The following TLN2 variants were observed in gnomAD, a reference collection of about 807,000 sequenced individuals.
The protein encoded by TLN2 is talin-2.
A neutral mutation model predicts 294.7 loss-of-function variants in TLN2; 118 were observed. The ratio of observed to expected loss-of-function variants is 0.40; its 90% CI spans 0.34 to 0.47. The LOEUF (loss-of-function observed/expected upper bound fraction) is 0.47, where lower values mean the gene tolerates loss of function less well. Ranked by LOEUF, TLN2 falls within the 20% of genes least tolerant of loss-of-function variation. The pLI is 0.84. For synonymous variants in TLN2, 1,431 were observed against 1,304.5 expected, an observed-to-expected ratio of 1.10 and a Z score of -2.09; for missense variants, 3,083 against 3,282.2, an observed-to-expected ratio of 0.94 and a Z score of 1.48.
At chr15:62,491,512 A>G (rs941804151) in intron 1 of TLN2, among the ~76,000 whole-genome samples, 5 of 152,058 alleles carry the variant, frequency 3.3e-5, no homozygotes, top group African/African-American at 4.8e-5. Context: ...TGCATTTCTT[A>G]TTAGCCCTTC....
At chr15:62,836,526 C>T (rs114047115) in intron 57 of TLN2, among the ~76,000 whole-genome samples, 124 of 152,332 alleles carry the variant, frequency 8.1e-4, no homozygotes, top group African/African-American at 2.8e-3. Flanking sequence ...CTCTCTCATA[C>T]GTTACTAACT....
At chr15:62,500,793 T>C (rs565634319) in intron 1 of TLN2, among the ~76,000 whole-genome samples, 28 of 152,322 alleles carry the variant, frequency 1.8e-4, no homozygotes, top group African/African-American at 6.5e-4. Context: ...ATTGGGCAAC[T>C]TTTTCCTGCT....
At chr15:62,712,122 T>G in intron 22 of TLN2, 45 bp downstream of exon 22, 1 of 1,591,160 alleles carries the variant, frequency 6.3e-7, no homozygotes. Context: ...CACTATTAAG[T>G]GTTAGGATTT....
intron 40 of TLN2, among the ~76,000 whole-genome samples, chr15:62,765,678 T>C (rs2062954074): frequency 6.6e-6 from 1 of 152,206 alleles, no homozygotes; most frequent in Non-Finnish European, 1.5e-5. Flanking sequence ...TCTAGATATC[T>C]TTCTCTGTCT....
At chr15:62,467,367 C>T (rs574422693) in intron 1 of TLN2, among the ~76,000 whole-genome samples, 1 of 152,294 alleles carries the variant, frequency 6.6e-6, no homozygotes, top group East Asian at 1.9e-4. Context: ...TTATTGGAGC[C>T]TTAATTTTAC....
rs868674005 is a variant in TLN2 at position 62,759,723 on chromosome 15, C to T, written c.4639-1958C>T. ...CTGTTAAGCTGGAAGTCGTGTGATC[C>T]CAGCTGAAGGGGTATGATTGGAGAA... On this transcript the variant is annotated intron_variant, in intron 37 of 58. Coordinates refer to ENST00000636159, the MANE Select transcript of TLN2 (RefSeq NM_015059.3). Among the ~76,000 whole-genome samples, 67 of 152,234 alleles carry T rather than the reference C, an allele frequency of 4.4e-4. 1 individual carries two copies. The highest frequency in any genetic ancestry group is 1.5e-3 in the African/African-American group (61 of 41,532).
chr15:62,407,624 G>A (rs1268532475), intron 1 of TLN2, among the ~76,000 whole-genome samples: 2 of 152,072 alleles, frequency 1.3e-5, no homozygotes, highest in African/African-American at 2.4e-5. Context: ...GTCATGGAAA[G>A]GTGCTTACTG....
intron 28 of TLN2, among the ~76,000 whole-genome samples, chr15:62,735,247 C>T (rs893909306): frequency 1.3e-5 from 2 of 152,144 alleles, no homozygotes; most frequent in African/African-American, 4.8e-5. Flanking sequence ...GATTCTCAGG[C>T]GTTATATGTG....
intron 1 of TLN2, among the ~76,000 whole-genome samples, chr15:62,440,520 C>T (rs1278254966): frequency 5.9e-5 from 9 of 152,106 alleles, no homozygotes; most frequent in Non-Finnish European, 1.0e-4. Flanking sequence ...CCTAACCTAA[C>T]GGGTGGGGTG....
intron 1 of TLN2, among the ~76,000 whole-genome samples, chr15:62,398,003 C>T (rs919066134): frequency 8.5e-5 from 13 of 152,176 alleles, no homozygotes; most frequent in Admixed American, 7.2e-4. Flanking sequence ...GAGGAACTAG[C>T]TACCTCTCTT....
rs540821968 is a variant in TLN2 at position 62,412,092 on chromosome 15, G to T, written c.-238+21407G>T. 4.7e-5 allele frequency among the ~76,000 whole-genome samples: 7 copies of T among 149,992 alleles called. No homozygotes were observed. In the South Asian group the frequency reaches 1.5e-3, roughly 32 times the overall value. On this transcript the variant is annotated intron_variant, in intron 1 of 58. Transcript: ENST00000636159. ...AGATCATAAGTCTCTTTGTCCCTGC[G>T]ATTTAAAATCGGTCTGTGGACCAGC...
chr15:62,776,946 C>T (rs2063758797), intron 43 of TLN2, 36 bp downstream of exon 43: 1 of 1,426,680 alleles, frequency 7.0e-7, no homozygotes, highest in Non-Finnish European at 9.3e-7. Flanking sequence ...ACTCCCTTAT[C>T]TCCCTCACCC....
intron 1 of TLN2, among the ~76,000 whole-genome samples, chr15:62,430,035 T>A (rs943232665): frequency 2.0e-5 from 3 of 152,224 alleles, no homozygotes; most frequent in African/African-American, 7.2e-5. Context: ...TTAGTGATAT[T>A]CCTAAACTAG....
In TLN2 at chr15:62,673,868, G is replaced by A. The variant is rs2141006931; in HGVS notation, c.830G>A (p.Gly277Glu). Residue 277 changes from glycine to glutamate, a missense_variant, in exon 10 of 59, where the codon GGA becomes GAA. Gly to Glu is a moderately conservative substitution (Grantham distance 98). Coordinates refer to ENST00000636159, the MANE Select transcript of TLN2 (RefSeq NM_015059.3). The stretch of plus-strand genomic sequence containing the variant: ...CCCAAAGAATATATCAAGCAGAGAG[G>A]AGCTGAAAAGAGGATCTTTCAGGTA... ...FLPKEYIKQR[G>E]AEKRIFQEHK... is the part of the protein sequence containing the mutation. The A allele has an allele frequency of 6.2e-7, 1 of 1,613,234 alleles. No individual in the cohort carries two copies. The highest frequency in any genetic ancestry group is 2.2e-5 in the East Asian group (1 of 44,826).
chr15:62,790,339 G>A (rs2064991717), intron 45 of TLN2, among the ~76,000 whole-genome samples: 1 of 152,076 alleles, frequency 6.6e-6, no homozygotes, highest in African/African-American at 2.4e-5. Context: ...TTTCGAGAGG[G>A]AGAGGAAGGG....
intron 1 of TLN2, among the ~76,000 whole-genome samples, chr15:62,542,014 G>A (rs1174512913): frequency 6.6e-6 from 1 of 151,764 alleles, no homozygotes; most frequent in Non-Finnish European, 1.5e-5. Context: ...TTCATAAGAT[G>A]CAAAGAGTGT....
At chr15:62,769,050 T>C (rs1399851537) in intron 41 of TLN2, among the ~76,000 whole-genome samples, 1 of 152,206 alleles carries the variant, frequency 6.6e-6, no homozygotes, top group Non-Finnish European at 1.5e-5. Flanking sequence ...GCTACCTCCA[T>C]GGGGGAGCCG....
At chr15:62,708,354 G>C in intron 20 of TLN2, 148 bp from the exon 21 acceptor site, 1 of 735,156 alleles carries the variant, frequency 1.4e-6, no homozygotes, top group Non-Finnish European at 2.3e-6. Context: ...TGAATGAAAT[G>C]GTCAGGTAAG....
chr15:62,709,405 C>G (rs2059279089), intron 21 of TLN2, among the ~76,000 whole-genome samples: 1 of 152,142 alleles, frequency 6.6e-6, no homozygotes, highest in African/African-American at 2.4e-5. Context: ...CGCAGAGGAG[C>G]AGTGTCTCCT....
Sources: gnomAD v4.1 joint callset for allele counts (sites outside exome capture counted in the v4.1 genomes callset) on GRCh38, gnomAD v4.1.1 for gene constraint, MANE v1.5 for transcripts, NCBI Gene and HGNC (gene_info 2026-07-23, HGNC 2026-07-21) for gene names.